Variants in NR3C2 observed in about 807,000 individuals in gnomAD.
NR3C2 encodes the protein nuclear receptor subfamily 3 group C member 2, also known as mineralocorticoid receptor.
NR3C2 carries 15 observed loss-of-function variants against 86.4 expected under a neutral mutation model. The observed-to-expected ratio is 0.17, with a 90% CI of 0.12 to 0.27. The LOEUF (loss-of-function observed/expected upper bound fraction) is 0.27, where lower values mean the gene tolerates loss of function less well. NR3C2 is among the 10% of genes least tolerant of loss of function. The probability of loss-of-function intolerance (pLI) is 1.00; values close to 1 mark genes in which losing one functional copy is unlikely to be tolerated. For synonymous variants in NR3C2, 458 were observed against 450.5 expected (o/e 1.02, Z -0.21); for missense variants, 960 against 1,195.6 (o/e 0.80, Z 2.91).
chr4:148,300,731 C>A (rs1742300156), intron 2 of NR3C2, among the ~76,000 whole-genome samples: 1 of 152,032 alleles, frequency 6.6e-6, no homozygotes, highest in Non-Finnish European at 1.5e-5. Context: ...TGCCACCATG[C>A]CCAGCTACTT....
At chr4:148,143,456 C>G (rs1297922682) in intron 6 of NR3C2, among the ~76,000 whole-genome samples, 1 of 152,214 alleles carries the variant, frequency 6.6e-6, no homozygotes, top group Non-Finnish European at 1.5e-5. Context: ...TTATACCTAC[C>G]ACTGGACTGT....
intron 2 of NR3C2, among the ~76,000 whole-genome samples, chr4:148,299,316 C>A (rs1428205486): frequency 6.6e-6 from 1 of 152,008 alleles, no homozygotes; most frequent in Non-Finnish European, 1.5e-5. Context: ...TTTTCTGAGG[C>A]TTTTTGTCCT....
intron 6 of NR3C2, among the ~76,000 whole-genome samples, chr4:148,126,569 TTC>T (rs1732757222): frequency 6.6e-6 from 1 of 152,226 alleles, no homozygotes; most frequent in Non-Finnish European, 1.5e-5. Context: ...GTCAGAGTGT[TTC>T]TGTTATCAGA....
At chr4:148,246,188 C>A (rs1739306209) in intron 3 of NR3C2, among the ~76,000 whole-genome samples, 1 of 152,186 alleles carries the variant, frequency 6.6e-6, no homozygotes, top group Non-Finnish European at 1.5e-5. Flanking sequence ...TGGTCTACAA[C>A]AGGTAGAATG....
At chr4:148,291,005 GCTTCCATCTT>G (rs1741771975) in intron 2 of NR3C2, among the ~76,000 whole-genome samples, 1 of 152,028 alleles carries the variant, frequency 6.6e-6, no homozygotes, top group Non-Finnish European at 1.5e-5. Flanking sequence ...ATACAAATTT[GCTTCCATCTT>G]CTGCACTCGT....
intron 8 of NR3C2, among the ~76,000 whole-genome samples, chr4:148,083,233 A>G (rs1730661028): frequency 6.6e-6 from 1 of 152,186 alleles, no homozygotes; most frequent in Non-Finnish European, 1.5e-5. Context: ...CTGCTAAGGG[A>G]CGGACTGCCT....
At chr4:148,340,843 G>C (rs13129830) in intron 2 of NR3C2, among the ~76,000 whole-genome samples, 42,936 of 151,888 alleles carry the variant, frequency 0.28, 7,511 homozygotes, top group East Asian at 0.59. Flanking sequence ...AGGAGACATG[G>C]CCAACCAAAA....
intron 2 of NR3C2, among the ~76,000 whole-genome samples, chr4:148,280,625 A>G (rs911000453): frequency 6.6e-6 from 1 of 152,086 alleles, no homozygotes; most frequent in African/African-American, 2.4e-5. Context: ...CAGCCTCCCA[A>G]GTAGCTGGGA....
chr4:148,174,079 C>G (rs902701885), intron 4 of NR3C2, among the ~76,000 whole-genome samples: 1 of 152,082 alleles, frequency 6.6e-6, no homozygotes, highest in African/African-American at 2.4e-5. Flanking sequence ...TTCAAGCAAC[C>G]TAATGGAAGC....
upstream of NR3C2, chr4:148,444,966 G>T: frequency 2.0e-6 from 2 of 984,946 alleles, no homozygotes; most frequent in Middle Eastern, 5.2e-4. Context: ...GGCCGAGCGC[G>T]TGTGTGAGGG....
chr4:148,376,150 A>T (rs1746667776), intron 2 of NR3C2, among the ~76,000 whole-genome samples: 1 of 151,378 alleles, frequency 6.6e-6, no homozygotes, highest in African/African-American at 2.4e-5. Context: ...TAAGGCAAAA[A>T]AAAAAAAAAA....
chr4:148,278,325 C>A (rs1327851311), intron 2 of NR3C2, among the ~76,000 whole-genome samples: 2 of 152,124 alleles, frequency 1.3e-5, no homozygotes, highest in African/African-American at 4.8e-5. Context: ...GTCTCGAACA[C>A]CTAGCCTCAA....
intron 2 of NR3C2, among the ~76,000 whole-genome samples, chr4:148,307,802 A>G (rs961350151): frequency 6.6e-6 from 1 of 151,922 alleles, no homozygotes; most frequent in African/African-American, 2.4e-5. Context: ...AGATAAGCTT[A>G]CATATGGCAA....
chr4:148,345,907 T>A (rs1744965989), intron 2 of NR3C2, among the ~76,000 whole-genome samples: 1 of 152,040 alleles, frequency 6.6e-6, no homozygotes, highest in Non-Finnish European at 1.5e-5. Flanking sequence ...ACACAAGGCT[T>A]TACAAATGAT....
Position 148,123,578 on chromosome 4 carries a change from A to T in NR3C2, c.2511-3290T>A, listed in dbSNP as rs148090208. On this transcript the variant is annotated intron_variant, in intron 6 of 8. Transcript: ENST00000358102. ...AGGCTCAGGTGGGCATCATGATCCT[A>T]CCGATATGTGATGCCACCCCCAGTG... Among the ~76,000 whole-genome samples, 72 of 152,308 alleles carry T rather than the reference A, an allele frequency of 4.7e-4. 1 individual carries two copies. The East Asian group carries it at 0.011, about 22-fold the overall frequency.
chr4:148,294,766 C>T (rs1741964482), intron 2 of NR3C2, among the ~76,000 whole-genome samples: 1 of 151,550 alleles, frequency 6.6e-6, no homozygotes, highest in Admixed American at 6.6e-5. Context: ...CACTTGAGCC[C>T]AGGAGTTCAA....
intron 2 of NR3C2, among the ~76,000 whole-genome samples, chr4:148,398,431 A>G (rs1747971402): frequency 6.6e-6 from 1 of 152,228 alleles, no homozygotes; most frequent in African/African-American, 2.4e-5. Flanking sequence ...CCAAGTAGAT[A>G]TATAAAATAT....
intron 8 of NR3C2, among the ~76,000 whole-genome samples, chr4:148,098,925 T>C (rs1442997042): frequency 6.6e-6 from 1 of 152,206 alleles, no homozygotes; most frequent in Non-Finnish European, 1.5e-5. Flanking sequence ...CTATTTCCTT[T>C]TTGTATCAAA....
chr4:148,367,502 C>T (rs1321666225), intron 2 of NR3C2, among the ~76,000 whole-genome samples: 1 of 152,048 alleles, frequency 6.6e-6, no homozygotes, highest in African/African-American at 2.4e-5. Flanking sequence ...ACAATGTTAT[C>T]ACACCTAAAG....
Sources: allele counts gnomAD v4.1 joint callset (sites outside exome capture counted in the v4.1 genomes callset), GRCh38; gene constraint gnomAD v4.1.1; transcripts MANE v1.5; gene names NCBI Gene and HGNC (gene_info 2026-07-23, HGNC 2026-07-21).